Variants in TNFSF13 observed in about 807,000 individuals in gnomAD.
TNFSF13 encodes tumor necrosis factor ligand superfamily member 13.
A neutral mutation model predicts 30.7 loss-of-function variants in TNFSF13; 18 were observed. That is an observed-to-expected ratio of 0.59 (90% CI 0.41 to 0.87). The LOEUF is 0.87. Ranked by LOEUF, TNFSF13 falls within the 40% of genes least tolerant of loss-of-function variation. TNFSF13 has a pLI of 0.00. For missense variants in TNFSF13, 286 were observed against 308.8 expected, an observed-to-expected ratio of 0.93 and a Z score of 0.55; for synonymous variants, 116 against 123.2, an observed-to-expected ratio of 0.94 and a Z score of 0.39.
Position 7,561,108 on chromosome 17 carries a change from G to A in TNFSF13, c.*275G>A. On this transcript the variant is annotated 3_prime_UTR_variant, in exon 6 of 6. Transcript: ENST00000338784. This position sits in a 1 kb window ranked among gnomAD's most constrained non-coding sequence, Gnocchi z 4.4. ...CGCCAGGCATTGTCCAGACCTGGTC[G>A]GGGCCCACTGGAAGCATCCAGAACA... 1.9e-6 allele frequency: 3 copies of A among 1,564,572 alleles called. No homozygotes were observed. The highest frequency in any genetic ancestry group is 2.6e-6 in the Non-Finnish European group (3 of 1,140,576).
At position 7,559,900 on chromosome 17, in the gene TNFSF13, A is replaced by G; in HGVS notation, c.385+7A>G. 1.9e-6 allele frequency: 3 copies of G among 1,614,130 alleles called. No individual in the cohort carries two copies. The highest frequency in any genetic ancestry group is 2.2e-5 in the South Asian group (2 of 91,076). The stretch of plus-strand genomic sequence containing the variant: ...ATTAACGCCACCTCCAAGGGTGAGC[A>G]CTATTTTAAATAATGGCTTTGGGGA... On this transcript the variant is annotated splice_region_variant and intron_variant, in intron 3 of 5. Coordinates refer to ENST00000338784, the MANE Select transcript of TNFSF13 (RefSeq NM_003808.4). The surrounding 1 kb of genome is among the most constrained non-coding windows in gnomAD (Gnocchi z 5.4).
chr17:7,559,504 G>C lies in TNFSF13; in HGVS notation c.259-120G>C. ...GAGGGCAGCCAGCACCAACACTCAG[G>C]GTGCTGGGAAAAGGTGCGTGAGAGA... On this transcript the variant is annotated intron_variant, in intron 1 of 5. Coordinates refer to ENST00000338784, the MANE Select transcript of TNFSF13 (RefSeq NM_003808.4). The surrounding 1 kb of genome is among the most constrained non-coding windows in gnomAD (Gnocchi z 5.4). 2 of 1,418,958 alleles carry C rather than the reference G, an allele frequency of 1.4e-6. No individual in the cohort carries two copies. The highest frequency in any genetic ancestry group is 1.3e-5 in the South Asian group (1 of 74,396). The allele number at this position is 1,418,958 out of a possible 1,614,324, so 87.9% of individuals were successfully genotyped here. A position where few individuals can be genotyped will look rare whatever the true frequency, so the allele number is the denominator to read the frequency against.
At position 7,560,941 on chromosome 17, in the gene TNFSF13, G is replaced by C; in HGVS notation, c.*108G>C. 5.0e-6 allele frequency: 8 copies of C among 1,614,170 alleles called. No individual in the cohort carries two copies. In the South Asian group the frequency reaches 8.8e-5, roughly 18 times the overall value. On this transcript the variant is annotated 3_prime_UTR_variant, in exon 6 of 6. Transcript: ENST00000338784. ...AGAGGGAATGTGCAGGAACAGAGGC[G>C]TCTTCCTGGGTTTGGCTCCCCGTTC...
upstream of TNFSF13, chr17:7,558,336 G>T (rs2071104273): frequency 6.6e-6 from 1 of 152,204 alleles, no homozygotes; most frequent in Non-Finnish European, 1.5e-5. The surrounding 1 kb of genome is among the most constrained non-coding windows in gnomAD (Gnocchi z 4.3). Context: ...TGGCCGGGGG[G>T]CTTGAGGCCG....
chr17:7,560,112 C>A lies in TNFSF13; in HGVS notation c.449C>A (p.Ala150Asp). 1 of 1,614,114 alleles carries A rather than the reference C, an allele frequency of 6.2e-7. No individual in the cohort carries two copies. The highest frequency in any genetic ancestry group is 1.1e-5 in the South Asian group (1 of 91,086). Reference sequence around the variant, plus strand: ...CTTAGGCGTGGGAGAGGCCTACAGGCCCAAGGATATGGTGTCCGAATCCAG... The same window carrying A: ...CTTAGGCGTGGGAGAGGCCTACAGGACCAAGGATATGGTGTCCGAATCCAG... The part of the protein sequence containing the change: ...PALRRGRGLQ[A>D]QGYGVRIQDA... Residue 150 changes from alanine (A) to aspartate (D), a missense_variant, in exon 4 of 6, where the codon GCC becomes GAC. Coordinates refer to ENST00000338784, the MANE Select transcript of TNFSF13 (RefSeq NM_003808.4).
rs895259523 is a variant in TNFSF13, at chr17:7,561,166, A to C, written c.*333A>C. ...CATCTAGCGGCCGCTCGAGGGAAGCACCCGCCGGTTGGCCGAAGTCCACGA... is the reference window on the plus strand; with the variant it reads ...CATCTAGCGGCCGCTCGAGGGAAGCCCCCGCCGGTTGGCCGAAGTCCACGA... On this transcript the variant is annotated 3_prime_UTR_variant, in exon 6 of 6. Transcript: ENST00000338784. This position sits in a 1 kb window ranked among gnomAD's most constrained non-coding sequence, Gnocchi z 4.4. 163 of 1,209,474 alleles carry C rather than the reference A, an allele frequency of 1.3e-4. No individual in the cohort carries two copies. The highest frequency in any genetic ancestry group is 7.0e-4 in the East Asian group (29 of 41,436). The allele number at this position is 1,209,474 out of a possible 1,614,324, so 74.9% of individuals were successfully genotyped here.
rs145028593 is a variant in TNFSF13, at chr17:7,559,522, G to A, written c.259-102G>A. On this transcript the variant is annotated intron_variant, in intron 1 of 5. Coordinates refer to ENST00000338784, the MANE Select transcript of TNFSF13 (RefSeq NM_003808.4). This position sits in a 1 kb window ranked among gnomAD's most constrained non-coding sequence, Gnocchi z 5.4. Reference sequence around the variant, plus strand: ...CACTCAGGGTGCTGGGAAAAGGTGCGTGAGAGATCTGAGGCATCTCGGGGG... The same window carrying A: ...CACTCAGGGTGCTGGGAAAAGGTGCATGAGAGATCTGAGGCATCTCGGGGG... The A allele has an allele frequency of 5.6e-4, 835 of 1,480,552 alleles. 5 individuals carry two copies. Among genetic ancestry groups the A allele is most frequent in the South Asian group, 4.3e-3 (341 of 78,426 alleles). 91.7% of individuals were successfully genotyped at this position (1,480,552 alleles called of 1,614,324 possible). A position where few individuals can be genotyped will look rare whatever the true frequency, so the allele number is the denominator to read the frequency against.
chr17:7,559,198 A>C lies in TNFSF13; in HGVS notation c.159A>C (p.Thr53=), dbSNP rs748801970. The C allele has an allele frequency of 5.6e-6, 9 of 1,612,556 alleles. No homozygotes were observed. The South Asian group carries it at 9.9e-5, about 18-fold the overall frequency. ...CCATGGCTCTGCTGACCCAACAAAC[A>C]GAGCTGCAGAGCCTCAGGAGAGAGG... ...ACAMALLTQQ[T]ELQSLRREVS... Residue 53 remains threonine, a synonymous_variant, in exon 1 of 6, where the codon ACA becomes ACC. Coordinates refer to ENST00000338784, the MANE Select transcript of TNFSF13 (RefSeq NM_003808.4). The surrounding 1 kb of genome is among the most constrained non-coding windows in gnomAD (Gnocchi z 5.4).
Position 7,560,137 on chromosome 17 carries a change from G to C in TNFSF13, c.474G>C (p.Gln158His). Reference sequence around the variant, plus strand: ...CCCAAGGATATGGTGTCCGAATCCAGGATGCTGGAGTTTATCTGCTGTATA... The same window carrying C: ...CCCAAGGATATGGTGTCCGAATCCACGATGCTGGAGTTTATCTGCTGTATA... ...LQAQGYGVRI[Q>H]DAGVYLLYSQ... is the part of the protein sequence containing the mutation. The change falls in exon 4 of 6, where the codon CAG becomes CAC. Residue 158 changes from glutamine to histidine, a missense_variant. By Grantham distance (24) the Gln-to-His change is conservative. Coordinates refer to ENST00000338784, the MANE Select transcript of TNFSF13 (RefSeq NM_003808.4). 1.2e-6 allele frequency: 2 copies of C among 1,614,186 alleles called. No individual in the cohort carries two copies. The highest frequency in any genetic ancestry group is 1.7e-6 in the Non-Finnish European group (2 of 1,180,026).
chr17:7,560,940 C>T lies in TNFSF13; in HGVS notation c.*107C>T. ...GAGAGGGAATGTGCAGGAACAGAGGCGTCTTCCTGGGTTTGGCTCCCCGTT... is the reference window on the plus strand; with the variant it reads ...GAGAGGGAATGTGCAGGAACAGAGGTGTCTTCCTGGGTTTGGCTCCCCGTT... On this transcript the variant is annotated 3_prime_UTR_variant, in exon 6 of 6. Coordinates refer to ENST00000338784, the MANE Select transcript of TNFSF13 (RefSeq NM_003808.4). 2 of 1,614,166 alleles carry T rather than the reference C, an allele frequency of 1.2e-6. No individual in the cohort carries two copies. Among genetic ancestry groups the T allele is most frequent in the Non-Finnish European group, 8.5e-7 (1 of 1,180,020 alleles).
chr17:7,559,838 C>T lies in TNFSF13; in HGVS notation c.338-8C>T, dbSNP rs926698245. On this transcript the variant is annotated splice_region_variant and splice_polypyrimidine_tract_variant and intron_variant, in intron 2 of 5. Transcript: ENST00000338784. This position sits in a 1 kb window ranked among gnomAD's most constrained non-coding sequence, Gnocchi z 5.4. ...GATGCGGCTGAGATTCCCTCCTTCT[C>T]TCCTCAGAGCAGCACTCTGTCCTGC... 10 of 1,614,118 alleles carry T rather than the reference C, an allele frequency of 6.2e-6. No homozygotes were observed. The highest frequency in any genetic ancestry group is 2.2e-5 in the South Asian group (2 of 91,078).
In TNFSF13 at chr17:7,560,187, G is replaced by A; in HGVS notation, c.504+20G>A. On this transcript the variant is annotated intron_variant, in intron 4 of 5. Transcript: ENST00000338784. ...AGCCAGGTAACCCCAGCCACACTCT[G>A]AGCTTCACAGAGGGCCTCTTTGGCC... The A allele has an allele frequency of 6.2e-7, 1 of 1,613,862 alleles. No homozygotes were observed. Among genetic ancestry groups the A allele is most frequent in the Non-Finnish European group, 8.5e-7 (1 of 1,179,944 alleles).
Position 7,559,617 on chromosome 17 carries a change from T to C in TNFSF13, c.259-7T>C, listed in dbSNP as rs149081507. On this transcript the variant is annotated splice_region_variant and splice_polypyrimidine_tract_variant and intron_variant, in intron 1 of 5. Coordinates refer to ENST00000338784, the MANE Select transcript of TNFSF13 (RefSeq NM_003808.4). The surrounding 1 kb of genome is among the most constrained non-coding windows in gnomAD (Gnocchi z 5.4). ...TAACCTAACCTTGACCCTCTTTCCA[T>C]GAGCAGAGTTCCGATGCCCTGGAAG... 2,168 of 1,612,926 alleles carry C rather than the reference T, an allele frequency of 1.3e-3. 23 individuals carry two copies. The African/African-American group carries it at 0.023, about 17-fold the overall frequency.
Position 7,561,101 on chromosome 17 carries a change from C to G in TNFSF13, c.*268C>G. 6.3e-7 allele frequency: 1 copy of G among 1,586,574 alleles called. No individual in the cohort carries two copies. The highest frequency in any genetic ancestry group is 8.6e-7 in the Non-Finnish European group (1 of 1,158,090). ...GGACGGGCGCCAGGCATTGTCCAGA[C>G]CTGGTCGGGGCCCACTGGAAGCATC... On this transcript the variant is annotated 3_prime_UTR_variant, in exon 6 of 6. Coordinates refer to ENST00000338784, the MANE Select transcript of TNFSF13 (RefSeq NM_003808.4). The surrounding 1 kb of genome is among the most constrained non-coding windows in gnomAD (Gnocchi z 4.4).
Position 7,559,943 on chromosome 17 carries a change from CT to C in TNFSF13, c.385+51del. 1 of 1,613,972 alleles carries C rather than the reference CT, an allele frequency of 6.2e-7. No homozygotes were observed. The highest frequency in any genetic ancestry group is 1.6e-4 in the Middle Eastern group (1 of 6,062). On this transcript the variant is annotated intron_variant, in intron 3 of 5. Coordinates refer to ENST00000338784, the MANE Select transcript of TNFSF13 (RefSeq NM_003808.4). The surrounding 1 kb of genome is among the most constrained non-coding windows in gnomAD (Gnocchi z 5.4). ...TTTGGGGAGGGGCAATAACCAGGAACTCGGGCTGGCACTTGGGCTCAAGGGG... is the reference window on the plus strand; with the variant it reads ...TTTGGGGAGGGGCAATAACCAGGAACCGGGCTGGCACTTGGGCTCAAGGGG...
Position 7,558,908 on chromosome 17 carries a change from C to T in TNFSF13, c.-132C>T, listed in dbSNP as rs2071117123. 1 of 1,119,684 alleles carries T rather than the reference C, an allele frequency of 8.9e-7. No homozygotes were observed. Among genetic ancestry groups the T allele is most frequent in the South Asian group, 2.3e-5 (1 of 43,838 alleles). 69.4% of individuals were successfully genotyped at this position (1,119,684 alleles called of 1,614,324 possible). ...TTTCCTCCTCCCTCCTTTTTATTTTCAAGTTCCTTTTTATTTCTCCTTGCG... is the reference window on the plus strand; with the variant it reads ...TTTCCTCCTCCCTCCTTTTTATTTTTAAGTTCCTTTTTATTTCTCCTTGCG... On this transcript the variant is annotated 5_prime_UTR_variant, in exon 1 of 6. Coordinates refer to ENST00000338784, the MANE Select transcript of TNFSF13 (RefSeq NM_003808.4). This position sits in a 1 kb window ranked among gnomAD's most constrained non-coding sequence, Gnocchi z 4.3.
At position 7,560,365 on chromosome 17, in the gene TNFSF13, G is replaced by A. The variant is rs1364951849; in HGVS notation, c.520G>A (p.Val174Met). ...LLYSQVLFQDVTFTMGQVVSR... is the reference protein window; with the variant it reads ...LLYSQVLFQDMTFTMGQVVSR... ...TCCCTGCCAGGTCCTGTTTCAAGACGTGACTTTCACCATGGGTCAGGTGGT... is the reference window on the plus strand; with the variant it reads ...TCCCTGCCAGGTCCTGTTTCAAGACATGACTTTCACCATGGGTCAGGTGGT... The change falls in exon 5 of 6, where the codon GTG becomes ATG. Residue 174 changes from valine (V) to methionine (M), a missense_variant. Coordinates refer to ENST00000338784, the MANE Select transcript of TNFSF13 (RefSeq NM_003808.4). The A allele has an allele frequency of 1.5e-5, 25 of 1,614,034 alleles. No individual in the cohort carries two copies. The highest frequency in any genetic ancestry group is 2.1e-5 in the Non-Finnish European group (25 of 1,180,052).
chr17:7,560,987 C>T lies in TNFSF13; in HGVS notation c.*154C>T. 2 of 1,614,184 alleles carry T rather than the reference C, an allele frequency of 1.2e-6. No homozygotes were observed. The highest frequency in any genetic ancestry group is 1.7e-6 in the Non-Finnish European group (2 of 1,180,024). ...CGTTCCTCACTTTTCCCTTTTCATT[C>T]CCACCCCCTAGACTTTGATTTTACG... On this transcript the variant is annotated 3_prime_UTR_variant, in exon 6 of 6. Coordinates refer to ENST00000338784, the MANE Select transcript of TNFSF13 (RefSeq NM_003808.4).
At chr17:7,560,560 G>T in intron 5 of TNFSF13, 72 bp downstream of exon 5, 1 of 1,611,038 alleles carries the variant, frequency 6.2e-7, no homozygotes. Context: ...GCTACCGCTA[G>T]GAGGGAGGTT....
Sources: allele counts gnomAD v4.1 joint callset, GRCh38; gene constraint gnomAD v4.1.1; non-coding constraint Gnocchi (gnomAD v3.1); transcripts MANE v1.5; gene names NCBI Gene and HGNC (gene_info 2026-07-23, HGNC 2026-07-21).